DHX57: variants seen among roughly 807,000 people sequenced by gnomAD.
The protein encoded by DHX57 is DExH-box helicase 57.
A neutral mutation model predicts 156.2 loss-of-function variants in DHX57; 105 were observed. The ratio of observed to expected loss-of-function variants is 0.67; its 90% CI spans 0.57 to 0.79. The LOEUF (loss-of-function observed/expected upper bound fraction) is 0.79, where lower values mean the gene tolerates loss of function less well. Ranked by LOEUF, DHX57 falls within the 30% of genes least tolerant of loss-of-function variation. The pLI, the probability that DHX57 is intolerant of heterozygous loss-of-function variation, is 0.00. For missense variants in DHX57, 1,847 were observed against 1,661.9 expected, an observed-to-expected ratio of 1.11 and a Z score of -1.94; for synonymous variants, 704 against 595.6, an observed-to-expected ratio of 1.18 and a Z score of -2.65.
chr2:38,850,003 A>C (rs1672498231), intron 9 of DHX57, among the ~76,000 whole-genome samples: 1 of 152,150 alleles, frequency 6.6e-6, no homozygotes, highest in African/African-American at 2.4e-5. Context: ...GAGCTCTCCC[A>C]CTAGAATAGA....
intron 2 of DHX57, among the ~76,000 whole-genome samples, chr2:38,865,769 T>C (rs1445857283): frequency 1.3e-5 from 2 of 152,226 alleles, no homozygotes; most frequent in Admixed American, 6.5e-5. Context: ...CATTTATCTA[T>C]AGAAGACTCA....
intron 12 of DHX57, among the ~76,000 whole-genome samples, chr2:38,840,439 GGT>G: frequency 6.6e-6 from 1 of 151,052 alleles, no homozygotes; most frequent in Non-Finnish European, 1.5e-5. Context: ...GGAGTGCAGT[GGT>G]GCAATCTGGG....
At chr2:38,842,229 T>G (rs1672045445) in intron 12 of DHX57, among the ~76,000 whole-genome samples, 1 of 152,178 alleles carries the variant, frequency 6.6e-6, no homozygotes, top group Non-Finnish European at 1.5e-5. Context: ...TGGATGGACA[T>G]TCTACAAAAT....
At chr2:38,810,483 A>C in intron 21 of DHX57, 1 of 549,630 alleles carries the variant, frequency 1.8e-6, no homozygotes, top group Non-Finnish European at 3.6e-6. Flanking sequence ...CTTCATCCTG[A>C]GGGAATTGAT....
At chr2:38,867,769 G>T (rs1336089592) in intron 2 of DHX57, among the ~76,000 whole-genome samples, 1 of 152,118 alleles carries the variant, frequency 6.6e-6, no homozygotes, top group Non-Finnish European at 1.5e-5. Context: ...TATTGGCCAG[G>T]CTGGTCTCGA....
At chr2:38,868,462 T>C (rs1665194874) in intron 1 of DHX57, 51 bp from the exon 2 acceptor site, 1 of 1,563,836 alleles carries the variant, frequency 6.4e-7, no homozygotes, top group African/African-American at 1.4e-5. Context: ...ACATGTATGA[T>C]AATCCTTTGT....
At chr2:38,820,099 C>G (rs1670736049) in intron 17 of DHX57, among the ~76,000 whole-genome samples, 2 of 152,150 alleles carry the variant, frequency 1.3e-5, no homozygotes, top group African/African-American at 4.8e-5. Flanking sequence ...TCATTCTAAA[C>G]CAACCATAGT....
At chr2:38,873,173 T>C (rs1665431829) in intron 1 of DHX57, among the ~76,000 whole-genome samples, 2 of 152,156 alleles carry the variant, frequency 1.3e-5, no homozygotes, top group Non-Finnish European at 1.5e-5. Flanking sequence ...GTATTTTTAG[T>C]AGAGATGGTG....
At chr2:38,835,040 T>A (rs1671580681) in intron 13 of DHX57, among the ~76,000 whole-genome samples, 1 of 152,130 alleles carries the variant, frequency 6.6e-6, no homozygotes, top group Non-Finnish European at 1.5e-5. Context: ...TTTGACAATT[T>A]TAGAAAGAGG....
chr2:38,798,489 G>C (rs1558345956), intron 23 of DHX57, 47 bp from the exon 24 acceptor site: 1 of 1,555,630 alleles, frequency 6.4e-7, no homozygotes, highest in Non-Finnish European at 8.7e-7. Context: ...GAACAGGCAG[G>C]ATAGGTTATT....
At chr2:38,823,292 A>G in intron 16 of DHX57, 23 bp from the exon 17 acceptor site, 1 of 1,596,314 alleles carries the variant, frequency 6.3e-7, no homozygotes, top group Non-Finnish European at 8.6e-7. Context: ...CAAAATAATA[A>G]TTTGTCAATT....
chr2:38,823,248 A>G lies in DHX57; in HGVS notation c.3036T>C (p.Phe1012=). ...LCLRIKILEM[F]SAHNLQSVFS... Reference sequence around the variant, plus strand: ...ACACAGACTGGAGATTATGAGCACTAAACATCTCTAAAATTTTAATTCTGA... The same window carrying G: ...ACACAGACTGGAGATTATGAGCACTGAACATCTCTAAAATTTTAATTCTGA... Residue 1012 remains phenylalanine, a synonymous_variant, in exon 17 of 24, where the codon TTT becomes TTC. Transcript: ENST00000457308. 6.2e-7 allele frequency: 1 copy of G among 1,612,546 alleles called. No individual in the cohort carries two copies. The highest frequency in any genetic ancestry group is 8.5e-7 in the Non-Finnish European group (1 of 1,178,802).
At chr2:38,808,354 T>A (rs1670066376) in intron 21 of DHX57, among the ~76,000 whole-genome samples, 1 of 152,194 alleles carries the variant, frequency 6.6e-6, no homozygotes, top group Non-Finnish European at 1.5e-5. Flanking sequence ...TGATGTATTT[T>A]CAATGATGTC....
chr2:38,875,600 G>C (rs1050896527), intron 1 of DHX57, among the ~76,000 whole-genome samples, 187 bp downstream of exon 1: 3 of 151,966 alleles, frequency 2.0e-5, no homozygotes, highest in African/African-American at 7.3e-5. Flanking sequence ...TTCGGTATCA[G>C]GGCCTGGGAT....
rs537660633 is a variant in DHX57, at chr2:38,866,732, G to A, written c.224+1450C>T. Among the ~76,000 whole-genome samples, 10 of 152,296 alleles carry A rather than the reference G, an allele frequency of 6.6e-5. No individual in the cohort carries two copies. In the South Asian group the frequency reaches 2.1e-3, roughly 32 times the overall value. ...GACTCCAAGAACCTATAATGTCCAT[G>A]TTTTGAAAAACTATGGAGCTGCAGC... On this transcript the variant is annotated intron_variant, in intron 2 of 23. Transcript: ENST00000457308.
At chr2:38,832,532 A>AATAT (rs200490370) in intron 13 of DHX57, among the ~76,000 whole-genome samples, 1 of 131,290 alleles carries the variant, frequency 7.6e-6, no homozygotes, top group African/African-American at 2.7e-5. Flanking sequence ...CACATAGATT[A>AATAT]ATATATATAT....
At chr2:38,818,992 C>G (rs762870735) in intron 18 of DHX57, 32 bp from the exon 19 acceptor site, 164 of 1,613,818 alleles carry the variant, frequency 1.0e-4, no homozygotes, top group African/African-American at 1.3e-4. Context: ...ACTGAACTTA[C>G]TCAGTCTTCA....
At position 38,871,997 on chromosome 2, in the gene DHX57, C is replaced by T. The variant is rs1479363694; in HGVS notation, c.-6-3586G>A. 1.2e-4 allele frequency among the ~76,000 whole-genome samples: 19 copies of T among 152,242 alleles called. 1 individual carries two copies. The highest frequency in any genetic ancestry group is 6.8e-3 in the Middle Eastern group (2 of 294). On this transcript the variant is annotated intron_variant, in intron 1 of 23. Transcript: ENST00000457308. ...TGCTGGGATTACAGGCGTGAGCCAC[C>T]GCGCCCGGCCTAATAACTCATTCTT... is the stretch of plus-strand genomic sequence containing the variant.
intron 21 of DHX57, among the ~76,000 whole-genome samples, chr2:38,813,431 C>T (rs1010552302): frequency 2.6e-5 from 4 of 151,016 alleles, no homozygotes; most frequent in Admixed American, 6.6e-5. Context: ...AGTGCAGTGG[C>T]GCAATCTCGG....
Sources: allele counts gnomAD v4.1 joint callset (sites outside exome capture counted in the v4.1 genomes callset), GRCh38; gene constraint gnomAD v4.1.1; transcripts MANE v1.5; gene names NCBI Gene and HGNC (gene_info 2026-07-23, HGNC 2026-07-21).